GLB1L2: variants seen among roughly 807,000 people sequenced by gnomAD.
GLB1L2 encodes galactosidase beta 1 like 2.
Under a neutral mutation model 84.1 loss-of-function variants are expected in GLB1L2, and 68 were observed. The ratio of observed to expected loss-of-function variants is 0.81; its 90% CI spans 0.67 to 0.99. The LOEUF is 0.99. Among genes scored for constraint, GLB1L2 ranks in the 50% least tolerant of loss-of-function variants. The probability of loss-of-function intolerance (pLI) is 0.00; values close to 1 mark genes in which losing one functional copy is unlikely to be tolerated. For missense variants in GLB1L2, 762 were observed against 805.6 expected, an observed-to-expected ratio of 0.95 and a Z score of 0.66; for synonymous variants, 290 against 318.0, an observed-to-expected ratio of 0.91 and a Z score of 0.94.
At chr11:134,336,491 A>T (rs995195873) in intron 1 of GLB1L2, among the ~76,000 whole-genome samples, 1 of 152,238 alleles carries the variant, frequency 6.6e-6, no homozygotes, top group Non-Finnish European at 1.5e-5. Context: ...ACTGATGGAC[A>T]TCGATTGTTT....
intron 3 of GLB1L2, 62 bp from the exon 4 acceptor site, chr11:134,344,972 G>T: frequency 6.4e-7 from 1 of 1,551,766 alleles, no homozygotes; most frequent in Non-Finnish European, 8.8e-7. Context: ...TGATGCGCGT[G>T]GCCCCCACCC....
chr11:134,371,972 T>A (rs1008816835), intron 15 of GLB1L2, 142 bp downstream of exon 15: 114 of 736,292 alleles, frequency 1.5e-4, no homozygotes, highest in Non-Finnish European at 2.2e-4. Context: ...ATGAGGCCAG[T>A]TCTGAGTGGG....
chr11:134,348,300 T>C (rs1238942500), intron 5 of GLB1L2, among the ~76,000 whole-genome samples: 1 of 152,202 alleles, frequency 6.6e-6, no homozygotes, highest in Non-Finnish European at 1.5e-5. Context: ...AATTATTTGT[T>C]GTGAATTCAA....
At position 134,373,782 on chromosome 11, in the gene GLB1L2, G is replaced by A. The variant is rs1943988943; in HGVS notation, c.1569G>A (p.Leu523=). Residue 523 remains leucine, a synonymous_variant, in exon 16 of 19, where the codon CTG becomes CTA. Transcript: ENST00000535456. Reference sequence around the variant, plus strand: ...TGAAAAACTTCAGAATCTATAGCCTGGATATGAAGAAGAGCTTCTTTCAGA... The same window carrying A: ...TGAAAAACTTCAGAATCTATAGCCTAGATATGAAGAAGAGCTTCTTTCAGA... ...SPLKNFRIYS[L]DMKKSFFQRF... 1.9e-6 allele frequency: 3 copies of A among 1,611,576 alleles called. No homozygotes were observed. Among genetic ancestry groups the A allele is most frequent in the Non-Finnish European group, 2.5e-6 (3 of 1,177,754 alleles).
intron 8 of GLB1L2, among the ~76,000 whole-genome samples, chr11:134,365,555 CAG>C: frequency 6.6e-6 from 1 of 152,316 alleles, no homozygotes; most frequent in Admixed American, 6.5e-5. Context: ...TGTCAACTCA[CAG>C]GGTTGTTTGA....
intron 8 of GLB1L2, among the ~76,000 whole-genome samples, chr11:134,366,300 A>G (rs1450523246): frequency 6.6e-6 from 1 of 152,262 alleles, no homozygotes; most frequent in Non-Finnish European, 1.5e-5. Flanking sequence ...CCAAGCCGCC[A>G]GTCTTGCTAG....
intron 3 of GLB1L2, among the ~76,000 whole-genome samples, chr11:134,344,803 G>A (rs1420018564): frequency 3.3e-5 from 5 of 152,264 alleles, no homozygotes; most frequent in African/African-American, 9.6e-5. Context: ...AGACCACTGA[G>A]CCCTGGGTGT....
intron 7 of GLB1L2, among the ~76,000 whole-genome samples, chr11:134,363,119 T>C (rs1200956144): frequency 3.3e-5 from 5 of 152,122 alleles, no homozygotes; most frequent in Non-Finnish European, 5.9e-5. Flanking sequence ...TGGCCTCCTG[T>C]CTTCAAAGGG....
chr11:134,347,635 G>A (rs1943570700), intron 5 of GLB1L2, among the ~76,000 whole-genome samples: 1 of 152,162 alleles, frequency 6.6e-6, no homozygotes, highest in Non-Finnish European at 1.5e-5. Flanking sequence ...GTCTCACTTG[G>A]GTGCGTTACT....
intron 1 of GLB1L2, among the ~76,000 whole-genome samples, chr11:134,341,866 C>T (rs1384122665): frequency 1.3e-5 from 2 of 151,742 alleles, no homozygotes; most frequent in African/African-American, 2.4e-5. Flanking sequence ...CAGTGGGGCC[C>T]GGCTGGCCAC....
At chr11:134,332,327 C>A (rs952816554) in intron 1 of GLB1L2, among the ~76,000 whole-genome samples, 180 bp downstream of exon 1, 1 of 152,132 alleles carries the variant, frequency 6.6e-6, no homozygotes, top group Admixed American at 6.5e-5. Flanking sequence ...CACTCTACTC[C>A]TGCCGCGCGA....
At chr11:134,345,562 C>T (rs1429931175) in intron 4 of GLB1L2, among the ~76,000 whole-genome samples, 1 of 152,212 alleles carries the variant, frequency 6.6e-6, no homozygotes, top group African/African-American at 2.4e-5. Flanking sequence ...CCTCCGCCTC[C>T]CGGGTTCAAG....
chr11:134,374,960 C>G lies in GLB1L2; in HGVS notation c.1825-12C>G, dbSNP rs906398269. ...CGTCAGCTGCCCTCCCAGCCGGGCC[C>G]TCTCTCCACAGGTCATCGTTTTTGA... On this transcript the variant is annotated splice_polypyrimidine_tract_variant and intron_variant, in intron 18 of 18. Transcript: ENST00000535456. The G allele has an allele frequency of 6.2e-6, 10 of 1,611,260 alleles. No homozygotes were observed. The East Asian group carries it at 1.3e-4, about 22-fold the overall frequency.
At position 134,375,099 on chromosome 11, in the gene GLB1L2, C is replaced by A; in HGVS notation, c.*41C>A. The A allele has an allele frequency of 6.5e-7, 1 of 1,543,570 alleles. No homozygotes were observed. ...CCTGCTGGTGCCAGTGGGAGACTGC[C>A]GCCTCCTCTTGACCTGAAGCCTGGT... On this transcript the variant is annotated 3_prime_UTR_variant, in exon 19 of 19. Coordinates refer to ENST00000535456, the MANE Select transcript of GLB1L2 (RefSeq NM_001370461.1).
chr11:134,370,206 G>A lies in GLB1L2; in HGVS notation c.1109-87G>A, dbSNP rs1467479989. 7 of 1,080,336 alleles carry A rather than the reference G, an allele frequency of 6.5e-6. No homozygotes were observed. The highest frequency in any genetic ancestry group is 3.1e-5 in the African/African-American group (2 of 64,872). 66.9% of individuals were successfully genotyped at this position (1,080,336 alleles called of 1,614,324 possible). On this transcript the variant is annotated intron_variant, in intron 11 of 18. Coordinates refer to ENST00000535456, the MANE Select transcript of GLB1L2 (RefSeq NM_001370461.1). This position sits in a 1 kb window ranked among gnomAD's most constrained non-coding sequence, Gnocchi z 4.7. ...TGGTGCTGGGACGCAGGAGCACATC[G>A]GGTCTGTGGATGGGAGCCGGGTGGG...
At chr11:134,368,521 G>A in intron 9 of GLB1L2, 123 bp from the exon 10 acceptor site, 1 of 938,050 alleles carries the variant, frequency 1.1e-6, no homozygotes, top group South Asian at 1.5e-5. Context: ...TAGAAGGACA[G>A]AGTGACAAAG....
At chr11:134,345,791 T>C (rs934964401) in intron 4 of GLB1L2, among the ~76,000 whole-genome samples, 3 of 152,188 alleles carry the variant, frequency 2.0e-5, no homozygotes, top group African/African-American at 7.2e-5. Flanking sequence ...TTCTTAGGAA[T>C]GTTACCAAGC....
At chr11:134,332,604 G>A (rs1461257791) in intron 1 of GLB1L2, among the ~76,000 whole-genome samples, 4 of 152,156 alleles carry the variant, frequency 2.6e-5, no homozygotes, top group Non-Finnish European at 1.5e-5. Context: ...GCTTCAGCCT[G>A]GCAGGTATGG....
chr11:134,364,548 T>G, intron 8 of GLB1L2, 150 bp downstream of exon 8: 1 of 660,596 alleles, frequency 1.5e-6, no homozygotes, highest in Non-Finnish European at 2.6e-6. Flanking sequence ...ACTGTGTGCC[T>G]GCAAGGCCCG....
Sources: gnomAD v4.1 joint callset for allele counts (sites outside exome capture counted in the v4.1 genomes callset) on GRCh38, gnomAD v4.1.1 for gene constraint, Gnocchi (gnomAD v3.1) non-coding constraint, MANE v1.5 for transcripts, NCBI Gene and HGNC (gene_info 2026-07-23, HGNC 2026-07-21) for gene names.